DMD: variants seen among roughly 807,000 people sequenced by gnomAD.
DMD encodes dystrophin, also known as mutant dystrophin.
In DMD, 63 loss-of-function variants were observed where a neutral mutation model predicts 330.1. The observed-to-expected ratio is 0.19, with a 90% CI of 0.16 to 0.24. DMD has a LOEUF of 0.24. Among genes scored for constraint, DMD ranks in the 10% least tolerant of loss-of-function variants. The pLI, the probability that DMD is intolerant of heterozygous loss-of-function variation, is 1.00. For missense variants in DMD, 3,344 were observed against 2,684.1 expected, an observed-to-expected ratio of 1.25 and a Z score of -5.43; for synonymous variants, 1,223 against 959.8, an observed-to-expected ratio of 1.27 and a Z score of -5.07.
intron 7 of DMD, among the ~76,000 whole-genome samples, chrX:32,782,072 A>G (rs1402848248): frequency 1.8e-5 from 2 of 112,079 alleles, no homozygotes; most frequent in South Asian, 3.7e-4. Flanking sequence ...GTAATTTTTT[A>G]GAATAAAAAC....
intron 9 of DMD, among the ~76,000 whole-genome samples, chrX:32,689,231 T>C (rs1034360369): frequency 9.0e-6 from 1 of 110,547 alleles, no homozygotes. Context: ...ACCTCTAGGT[T>C]TTTGGACTAT....
At chrX:32,545,706 G>A (rs1028795981) in intron 16 of DMD, among the ~76,000 whole-genome samples, 4 of 111,366 alleles carry the variant, frequency 3.6e-5, no homozygotes, top group Non-Finnish European at 7.5e-5. Context: ...ACGTACATCA[G>A]TACCAATTCC....
Position 33,322,519 on chromosome X carries a change from G to T in DMD, c.7+16740C>A, listed in dbSNP as rs183952054. ...GTAACTTCAAAGATCATTGATCATA[G>T]ATCATAGATCTCCATATATTCTTTC... On this transcript the variant is annotated intron_variant, in intron 1 of 17. Transcript: ENST00000288447. 5.8e-3 allele frequency among the ~76,000 whole-genome samples: 649 copies of T among 111,437 alleles called. 5 individuals carry two copies. The highest frequency in any genetic ancestry group is 8.7e-3 in the Non-Finnish European group (462 of 53,039).
At chrX:32,087,416 C>T (rs1307520378) in intron 44 of DMD, among the ~76,000 whole-genome samples, 2 of 111,462 alleles carry the variant, frequency 1.8e-5, no homozygotes, top group African/African-American at 6.5e-5. Context: ...AATTCAAGAT[C>T]TTTGAGTATC....
At chrX:32,553,652 T>C (rs955928910) in intron 16 of DMD, among the ~76,000 whole-genome samples, 1 of 112,368 alleles carries the variant, frequency 8.9e-6, no homozygotes, top group Non-Finnish European at 1.9e-5. Context: ...TTATGCAGCA[T>C]ATGACTGTAG....
intron 44 of DMD, among the ~76,000 whole-genome samples, chrX:32,107,159 T>C (rs1048727606): frequency 1.8e-5 from 2 of 110,858 alleles, no homozygotes; most frequent in African/African-American, 6.6e-5. Flanking sequence ...TTATTTTTAG[T>C]TGAGCTAAAT....
chrX:32,900,564 C>G (rs941804283), intron 2 of DMD, among the ~76,000 whole-genome samples: 1 of 111,054 alleles, frequency 9.0e-6, no homozygotes, highest in Non-Finnish European at 1.9e-5. Context: ...AGGCTGGACT[C>G]AAACTCCTGG....
chrX:31,357,106 C>G (rs1453362735), intron 60 of DMD, among the ~76,000 whole-genome samples: 2 of 110,922 alleles, frequency 1.8e-5, no homozygotes, highest in Non-Finnish European at 3.8e-5. Context: ...CACCTTACAA[C>G]ATCATTACAT....
intron 55 of DMD, among the ~76,000 whole-genome samples, chrX:31,585,634 C>A (rs1466016455): frequency 9.1e-6 from 1 of 110,346 alleles, no homozygotes; most frequent in African/African-American, 3.3e-5. Context: ...GATAATTTTG[C>A]CCATAAGAAG....
chrX:31,293,286 C>A (rs759737831), intron 62 of DMD, among the ~76,000 whole-genome samples: 8 of 99,908 alleles, frequency 8.0e-5, no homozygotes, highest in African/African-American at 3.1e-4. Flanking sequence ...TATTTACTGT[C>A]CTAGATGGCG....
chrX:32,227,667 T>C (rs140991619), intron 43 of DMD, among the ~76,000 whole-genome samples: 40 of 110,300 alleles, frequency 3.6e-4, no homozygotes, highest in Non-Finnish European at 7.2e-4. Context: ...CTCTGCAATA[T>C]ATCCATGTAA....
chrX:33,223,257 G>A (rs2052220016), intron 1 of DMD, among the ~76,000 whole-genome samples: 1 of 112,052 alleles, frequency 8.9e-6, no homozygotes, highest in African/African-American at 3.2e-5. Flanking sequence ...ATTGCAGTGA[G>A]CCGAGATCAT....
At chrX:32,695,702 CAG>C (rs1420165303) in intron 9 of DMD, among the ~76,000 whole-genome samples, 4 of 111,575 alleles carry the variant, frequency 3.6e-5, no homozygotes, top group South Asian at 3.7e-4. Flanking sequence ...GTGGTGAAGA[CAG>C]AGATACAATG....
At chrX:33,048,693 C>CT (rs1347757934) in intron 1 of DMD, among the ~76,000 whole-genome samples, 2 of 14,248 alleles carry the variant, frequency 1.4e-4, no homozygotes, top group Admixed American at 8.4e-4. Context: ...GACTCCCCAT[C>CT]TAAAAAAAAA....
In DMD at chrX:31,932,103, T is replaced by C; in HGVS notation, c.6739A>G (p.Lys2247Glu). The change falls in exon 46 of 79, where the codon AAA becomes GAA. Residue 2247 changes from lysine (K) to glutamate (E), a missense_variant. Coordinates refer to ENST00000357033, the MANE Select transcript of DMD (RefSeq NM_004006.3). ...ACCTTGACTTGCTCAAGCTTTTCTTTTAGTTGCTGCTCTTTTCCAGGTTCA... is the reference window on the plus strand; with the variant it reads ...ACCTTGACTTGCTCAAGCTTTTCTTCTAGTTGCTGCTCTTTTCCAGGTTCA... ...PLEPGKEQQL[K>E]EKLEQVKLLV... The C allele has an allele frequency of 8.3e-7, 1 of 1,211,512 alleles. No individual in the cohort carries two copies. Among genetic ancestry groups the C allele is most frequent in the Non-Finnish European group, 1.1e-6 (1 of 895,292 alleles).
chrX:33,224,969 G>A (rs2052259324), intron 1 of DMD, among the ~76,000 whole-genome samples: 1 of 111,256 alleles, frequency 9.0e-6, no homozygotes, highest in Non-Finnish European at 1.9e-5. Context: ...ATTTTACTAT[G>A]TCACAAAAAT....
intron 61 of DMD, among the ~76,000 whole-genome samples, chrX:31,341,862 A>G (rs1195964632): frequency 1.0e-5 from 1 of 96,526 alleles, no homozygotes; most frequent in Non-Finnish European, 2.1e-5. Context: ...TTACACTGTG[A>G]TCTGGCGTGC....
chrX:32,106,163 A>G (rs1277957625), intron 44 of DMD, among the ~76,000 whole-genome samples: 1 of 112,021 alleles, frequency 8.9e-6, no homozygotes, highest in Non-Finnish European at 1.9e-5. Context: ...AAATAATAAA[A>G]TTAATAAAGG....
chrX:31,801,508 T>C (rs1261781960), intron 50 of DMD, among the ~76,000 whole-genome samples: 2 of 110,321 alleles, frequency 1.8e-5, no homozygotes, highest in Non-Finnish European at 3.8e-5. Context: ...ATGTACATTA[T>C]GGTTACTATA....
Sources: allele counts gnomAD v4.1 joint callset (sites outside exome capture counted in the v4.1 genomes callset), GRCh38; gene constraint gnomAD v4.1.1; transcripts MANE v1.5; gene names NCBI Gene and HGNC (gene_info 2026-07-23, HGNC 2026-07-21).